Variants in COP1 observed in about 807,000 individuals in gnomAD.
COP1 encodes the protein E3 ubiquitin-protein ligase COP1.
In COP1, 24 loss-of-function variants were observed where a neutral mutation model predicts 101.3. That is an observed-to-expected ratio of 0.24 (90% CI 0.17 to 0.33). The LOEUF is 0.33. Among genes scored for constraint, COP1 ranks in the 10% least tolerant of loss-of-function variants. The pLI, the probability that COP1 is intolerant of heterozygous loss-of-function variation, is 1.00. For synonymous variants in COP1, 347 were observed against 341.9 expected, an observed-to-expected ratio of 1.01 and a Z score of -0.17; for missense variants, 663 against 906.2, an observed-to-expected ratio of 0.73 and a Z score of 3.45.
intron 6 of COP1, among the ~76,000 whole-genome samples, chr1:176,144,738 A>G (rs1359772267): frequency 6.6e-6 from 1 of 152,152 alleles, no homozygotes; most frequent in Non-Finnish European, 1.5e-5. Context: ...ACATGGACAC[A>G]TGATATATGA....
At position 176,163,821 on chromosome 1, in the gene COP1, A is replaced by G; in HGVS notation, c.636T>C (p.Ser212=). 6.3e-7 allele frequency: 1 copy of G among 1,588,374 alleles called. No homozygotes were observed. The highest frequency in any genetic ancestry group is 8.6e-7 in the Non-Finnish European group (1 of 1,159,860). The change falls in exon 4 of 20, where the codon AGT becomes AGC. Residue 212 remains serine (S), a synonymous_variant. Transcript: ENST00000367669. The part of the protein sequence containing the change: ...EKRFKLDHSV[S]STNGHRWQIF... ...AATAAGAGTTGAAACATACGGTGCT[A>G]CTCACTGAGTGGTCCAATTTGAACC...
At chr1:176,127,100 A>G (rs1688117137) in intron 8 of COP1, among the ~76,000 whole-genome samples, 1 of 152,188 alleles carries the variant, frequency 6.6e-6, no homozygotes, top group Non-Finnish European at 1.5e-5. Flanking sequence ...TCTTTAATTG[A>G]CATAATAATT....
intron 1 of COP1, among the ~76,000 whole-genome samples, chr1:176,198,377 G>A (rs1353157596): frequency 1.3e-5 from 2 of 152,052 alleles, no homozygotes; most frequent in African/African-American, 2.4e-5. Flanking sequence ...AAAATTCAAT[G>A]AACAGAGATG....
chr1:175,952,857 C>T (rs1650123850), intron 18 of COP1, among the ~76,000 whole-genome samples: 1 of 152,152 alleles, frequency 6.6e-6, no homozygotes, highest in Admixed American at 6.6e-5. Flanking sequence ...TTTGAGGCTG[C>T]AGTGAGCTAT....
intron 3 of COP1, 41 bp downstream of exon 3, chr1:176,175,869 A>T (rs1180580236): frequency 8.5e-7 from 1 of 1,173,330 alleles, no homozygotes; most frequent in Non-Finnish European, 1.3e-6. Flanking sequence ...AATTTTGGGG[A>T]TCGAAATATT....
chr1:175,958,475 C>G (rs1414818074), intron 18 of COP1, among the ~76,000 whole-genome samples: 1 of 151,942 alleles, frequency 6.6e-6, no homozygotes, highest in African/African-American at 2.4e-5. Flanking sequence ...TGTCATTCCT[C>G]TCTCCCTGTT....
At position 176,014,886 on chromosome 1, in the gene COP1, AC is replaced by A. The variant is rs373230661; in HGVS notation, c.1729+12685del. 2.6e-3 allele frequency among the ~76,000 whole-genome samples: 399 copies of A among 152,316 alleles called. 3 individuals carry two copies. The highest frequency in any genetic ancestry group is 9.2e-3 in the African/African-American group (381 of 41,566). On this transcript the variant is annotated intron_variant, in intron 15 of 19. Coordinates refer to ENST00000367669, the MANE Select transcript of COP1 (RefSeq NM_022457.7). The stretch of plus-strand genomic sequence containing the variant: ...AGTTGTAAGGGACATTGTGGGGGAT[AC>A]AATAATGAACAAGAAAAGTCCCTGC...
At chr1:176,142,848 AG>A (rs2149787179) in intron 6 of COP1, among the ~76,000 whole-genome samples, 1 of 152,120 alleles carries the variant, frequency 6.6e-6, no homozygotes, top group African/African-American at 2.4e-5. Flanking sequence ...TGATGCCAAA[AG>A]AATTAGGTAC....
In COP1 at chr1:176,207,269, G is replaced by T; in HGVS notation, c.-291C>A. The T allele has an allele frequency of 2.6e-6, 1 of 387,984 alleles. No individual in the cohort carries two copies. Among genetic ancestry groups the T allele is most frequent in the Non-Finnish European group, 4.6e-6 (1 of 219,502 alleles). 24.0% of individuals were successfully genotyped at this position (387,984 alleles called of 1,614,324 possible). On this transcript the variant is annotated 5_prime_UTR_variant, in exon 1 of 20. Transcript: ENST00000367669. ...CAACCCCGGCGCGCCGTGGCCGGCC[G>T]TGCGCGCGCGCGCGAGCGGCGGAAG...
At chr1:176,080,080 G>A (rs1331636716) in intron 11 of COP1, among the ~76,000 whole-genome samples, 1 of 151,862 alleles carries the variant, frequency 6.6e-6, no homozygotes, top group Non-Finnish European at 1.5e-5. Flanking sequence ...ATGGGTCGAA[G>A]AGAAAAATCA....
At chr1:176,077,454 C>T (rs1328242339) in intron 11 of COP1, among the ~76,000 whole-genome samples, 3 of 152,086 alleles carry the variant, frequency 2.0e-5, no homozygotes, top group Admixed American at 6.5e-5. Flanking sequence ...TCCAACATCC[C>T]GTCATGATAA....
In COP1 at chr1:175,953,766, A is replaced by T. The variant is rs929547538; in HGVS notation, c.2134-6527T>A. Among the ~76,000 whole-genome samples the T allele has an allele frequency of 1.4e-4, 10 of 74,000 alleles. No homozygotes were observed. The South Asian group carries it at 2.5e-3, about 18-fold the overall frequency. The allele number at this position is 74,000 out of a possible 152,430, so 48.5% of individuals were successfully genotyped here. ...ATAATTAAATAAGGGTCAACTTATA[A>T]AAAAAAAAAAAAACTCCTATATACA... On this transcript the variant is annotated intron_variant, in intron 18 of 19. Coordinates refer to ENST00000367669, the MANE Select transcript of COP1 (RefSeq NM_022457.7).
Position 176,179,029 on chromosome 1 carries a change from G to A in COP1, c.468-3022C>T, listed in dbSNP as rs989227912. Reference sequence around the variant, plus strand: ...GACAAGGCCGGGTGCAGCGGCTCACGCCGTAATCCCAGCACTTTGGGAGGC... The same window carrying A: ...GACAAGGCCGGGTGCAGCGGCTCACACCGTAATCCCAGCACTTTGGGAGGC... On this transcript the variant is annotated intron_variant, in intron 2 of 19. Transcript: ENST00000367669. Among the ~76,000 whole-genome samples, 153 of 151,068 alleles carry A rather than the reference G, an allele frequency of 1.0e-3. 1 individual carries two copies. Among genetic ancestry groups the A allele is most frequent in the Non-Finnish European group, 2.4e-4 (16 of 67,782 alleles).
chr1:176,207,042 G>GCCTCC lies in COP1; in HGVS notation c.-69_-65dup, dbSNP rs1267923461. 2 of 1,274,136 alleles carry GCCTCC rather than the reference G, an allele frequency of 1.6e-6. No individual in the cohort carries two copies. Among genetic ancestry groups the GCCTCC allele is most frequent in the Non-Finnish European group, 2.0e-6 (2 of 992,224 alleles). The allele number at this position is 1,274,136 out of a possible 1,614,324, so 78.9% of individuals were successfully genotyped here. A position where few individuals can be genotyped will look rare whatever the true frequency, so the allele number is the denominator to read the frequency against. ...GGGACCGCGACCTCGACCCTCCGCC[G>GCCTCC]CCTCCCCTCCCCTCAGCCTCAGTGC... On this transcript the variant is annotated 5_prime_UTR_variant, in exon 1 of 20. Transcript: ENST00000367669.
intron 9 of COP1, among the ~76,000 whole-genome samples, chr1:176,086,428 G>A (rs868021030): frequency 6.6e-5 from 10 of 151,832 alleles, no homozygotes; most frequent in Admixed American, 2.6e-4. Flanking sequence ...GGGTTTCACC[G>A]TGTTAGCCAG....
intron 14 of COP1, among the ~76,000 whole-genome samples, chr1:176,035,409 C>T (rs1362484461): frequency 1.3e-5 from 2 of 150,286 alleles, no homozygotes; most frequent in African/African-American, 4.9e-5. Flanking sequence ...TGAGACAGAA[C>T]GAAAGGGTCT....
At chr1:176,093,367 T>G (rs1681705226) in intron 9 of COP1, among the ~76,000 whole-genome samples, 2 of 152,136 alleles carry the variant, frequency 1.3e-5, no homozygotes, top group African/African-American at 4.8e-5. Context: ...AACATATTTT[T>G]TAATAATACT....
At chr1:176,042,042 G>A (rs1439034709) in intron 14 of COP1, among the ~76,000 whole-genome samples, 1 of 152,110 alleles carries the variant, frequency 6.6e-6, no homozygotes, top group Admixed American at 6.5e-5. Flanking sequence ...AACCTGGGAG[G>A]CAGAGGTTGC....
intron 5 of COP1, among the ~76,000 whole-genome samples, chr1:176,149,307 T>A (rs1033724609): frequency 6.6e-6 from 1 of 152,044 alleles, no homozygotes. Context: ...ACATCCCTTA[T>A]CTAACATGCT....
Sources: allele counts gnomAD v4.1 joint callset (sites outside exome capture counted in the v4.1 genomes callset), GRCh38; gene constraint gnomAD v4.1.1; transcripts MANE v1.5; gene names NCBI Gene and HGNC (gene_info 2026-07-23, HGNC 2026-07-21).